The following ADGRL2 variants were observed in gnomAD, a reference collection of about 807,000 sequenced individuals.
The protein encoded by ADGRL2 is adhesion G protein-coupled receptor L2.
Under a neutral mutation model 157.4 loss-of-function variants are expected in ADGRL2, and 44 were observed. The ratio of observed to expected loss-of-function variants is 0.28; its 90% CI spans 0.22 to 0.36. ADGRL2 has a LOEUF of 0.36. Ranked by LOEUF, ADGRL2 falls within the 10% of genes least tolerant of loss-of-function variation. ADGRL2 has a pLI of 1.00. For missense variants in ADGRL2, 1,510 were observed against 1,768.9 expected (o/e 0.85, Z 2.63); for synonymous variants, 585 against 624.7 (o/e 0.94, Z 0.95).
At chr1:81,981,372 A>G (rs928650987) in intron 18 of ADGRL2, among the ~76,000 whole-genome samples, 2 of 151,844 alleles carry the variant, frequency 1.3e-5, no homozygotes, top group East Asian at 3.9e-4. Flanking sequence ...TAGAATCTGA[A>G]GTTTAGGTGT....
chr1:81,851,744 G>GTC (rs1242424609), intron 2 of ADGRL2, among the ~76,000 whole-genome samples: 1 of 150,722 alleles, frequency 6.6e-6, no homozygotes, highest in East Asian at 1.9e-4. Context: ...TTGTGTGTGT[G>GTC]TGTGTGTGTG....
chr1:81,942,119 C>T lies in ADGRL2; in HGVS notation c.409+74C>T. 5 of 627,930 alleles carry T rather than the reference C, an allele frequency of 8.0e-6. 1 individual carries two copies. In the South Asian group the frequency reaches 1.0e-4, roughly 13 times the overall value. The allele number at this position is 627,930 out of a possible 1,614,324, so 38.9% of individuals were successfully genotyped here. ...GATGTTAACCTCCTCCCTCCCCTCT[C>T]CCCACAACACTCCTGTATTAAAATA... On this transcript the variant is annotated intron_variant, in intron 5 of 23. Coordinates refer to ENST00000686636, the MANE Select transcript of ADGRL2 (RefSeq NM_001366006.2).
chr1:81,443,270 A>C (rs2101690032), intron 1 of ADGRL2, among the ~76,000 whole-genome samples: 1 of 152,162 alleles, frequency 6.6e-6, no homozygotes, highest in East Asian at 1.9e-4. Flanking sequence ...AAAATACAAA[A>C]AATTAGCAAG....
At chr1:81,760,360 C>T (rs184043787) in intron 1 of ADGRL2, among the ~76,000 whole-genome samples, 2 of 152,038 alleles carry the variant, frequency 1.3e-5, no homozygotes, top group South Asian at 2.1e-4. Flanking sequence ...TAAATCTAAC[C>T]CCTTTAGTAG....
At chr1:81,657,678 C>A (rs770739960) in intron 3 of ADGRL2, among the ~76,000 whole-genome samples, 7 of 152,008 alleles carry the variant, frequency 4.6e-5, no homozygotes, top group Non-Finnish European at 8.8e-5. Context: ...ATGGAAAATA[C>A]CCCATTAATA....
intron 3 of ADGRL2, among the ~76,000 whole-genome samples, chr1:81,636,334 CT>C (rs2082114361): frequency 6.6e-6 from 1 of 152,066 alleles, no homozygotes. Flanking sequence ...AAATCATTTA[CT>C]TTTTAATAAT....
At chr1:81,954,509 C>CACTT (rs1349061012) in intron 10 of ADGRL2, among the ~76,000 whole-genome samples, 2 of 152,064 alleles carry the variant, frequency 1.3e-5, no homozygotes, top group African/African-American at 4.8e-5. Context: ...AGCAAGTTCC[C>CACTT]ACTTTGTGAC....
chr1:81,936,349 CTTAATTCTTAAT>C (rs2095310303), intron 3 of ADGRL2, among the ~76,000 whole-genome samples: 2 of 151,752 alleles, frequency 1.3e-5, no homozygotes, highest in African/African-American at 4.8e-5. Flanking sequence ...AAATTGTAAT[CTTAATTCTTAAT>C]ATCCTAGTAA....
intron 6 of ADGRL2, among the ~76,000 whole-genome samples, chr1:81,947,989 A>T (rs398254): frequency 3.3e-5 from 5 of 151,876 alleles, no homozygotes; most frequent in South Asian, 2.1e-4. Flanking sequence ...GATGTCAGGG[A>T]GGGCGGATCA....
At chr1:81,345,958 A>AT (rs1256853534) in intron 1 of ADGRL2, among the ~76,000 whole-genome samples, 1 of 152,138 alleles carries the variant, frequency 6.6e-6, no homozygotes, top group East Asian at 1.9e-4. Context: ...TGAAAAAATA[A>AT]TTTTTTAATA....
intron 1 of ADGRL2, among the ~76,000 whole-genome samples, chr1:81,318,955 T>C (rs1390568500): frequency 2.4e-5 from 2 of 84,444 alleles, no homozygotes; most frequent in Non-Finnish European, 4.9e-5. Flanking sequence ...TTTTTTTTTT[T>C]TTTGAGATGG....
At chr1:81,622,116 T>G (rs759089146) in intron 3 of ADGRL2, among the ~76,000 whole-genome samples, 1 of 152,174 alleles carries the variant, frequency 6.6e-6, no homozygotes, top group Non-Finnish European at 1.5e-5. Context: ...AATGATAACT[T>G]TTTTTCTCAT....
chr1:81,729,746 A>G (rs1449044499), intron 1 of ADGRL2, among the ~76,000 whole-genome samples: 1 of 152,214 alleles, frequency 6.6e-6, no homozygotes, highest in East Asian at 1.9e-4. Flanking sequence ...GAAAAAGAAA[A>G]TAAATTACAT....
At chr1:81,469,490 C>G (rs558982573) in intron 2 of ADGRL2, among the ~76,000 whole-genome samples, 1 of 152,314 alleles carries the variant, frequency 6.6e-6, no homozygotes, top group Non-Finnish European at 1.5e-5. Flanking sequence ...CCCTAAATTA[C>G]TACAGATCAA....
At position 81,986,896 on chromosome 1, in the gene ADGRL2, T is replaced by G; in HGVS notation, c.3509-5T>G. 6.2e-7 allele frequency: 1 copy of G among 1,605,384 alleles called. No homozygotes were observed. The highest frequency in any genetic ancestry group is 8.5e-7 in the Non-Finnish European group (1 of 1,176,904). The stretch of plus-strand genomic sequence containing the variant: ...TTTTTTTGTTGTTTTTTTTTTTTAC[T>G]TTAGGAATGACTGGCAATTACCTAC... On this transcript the variant is annotated splice_polypyrimidine_tract_variant and splice_region_variant and intron_variant, in intron 21 of 23. Transcript: ENST00000686636.
chr1:81,487,197 G>T (rs1043416760), intron 2 of ADGRL2, among the ~76,000 whole-genome samples: 2 of 151,972 alleles, frequency 1.3e-5, no homozygotes, highest in African/African-American at 4.8e-5. Context: ...AAGCCCAGGA[G>T]GTAGAGGCTG....
intron 2 of ADGRL2, among the ~76,000 whole-genome samples, chr1:81,875,823 C>G (rs769973087): frequency 1.9e-4 from 29 of 152,060 alleles, no homozygotes; most frequent in Admixed American, 5.2e-4. Flanking sequence ...ATATTGTTTT[C>G]AAAATGTTCC....
At chr1:81,626,213 G>A (rs2081905525) in intron 3 of ADGRL2, among the ~76,000 whole-genome samples, 1 of 152,170 alleles carries the variant, frequency 6.6e-6, no homozygotes, top group African/African-American at 2.4e-5. Flanking sequence ...CCTTGCCTGG[G>A]AAATATCAAA....
At chr1:81,409,068 CA>C (rs1313668914) in intron 1 of ADGRL2, among the ~76,000 whole-genome samples, 4 of 152,150 alleles carry the variant, frequency 2.6e-5, no homozygotes, top group African/African-American at 9.7e-5. Context: ...AAATATAGCA[CA>C]CACACACCTA....
Sources: gnomAD v4.1 joint callset for allele counts (sites outside exome capture counted in the v4.1 genomes callset) on GRCh38, gnomAD v4.1.1 for gene constraint, MANE v1.5 for transcripts, NCBI Gene and HGNC (gene_info 2026-07-23, HGNC 2026-07-21) for gene names.